TRPM1: variants seen among roughly 807,000 people sequenced by gnomAD.
TRPM1 encodes TRPM1-203 APA Isoform, Intron 10.
In TRPM1, 113 loss-of-function variants were observed where a neutral mutation model predicts 149.4. That is an observed-to-expected ratio of 0.76 (90% confidence interval 0.65 to 0.88). TRPM1 has a LOEUF of 0.88. Among genes scored for constraint, TRPM1 ranks in the 40% least tolerant of loss-of-function variants. The probability of loss-of-function intolerance (pLI) is 0.00; values close to 1 mark genes in which losing one functional copy is unlikely to be tolerated. For missense variants in TRPM1, 1,976 were observed against 2,038.7 expected, an observed-to-expected ratio of 0.97 and a Z score of 0.59; for synonymous variants, 741 against 759.5, an observed-to-expected ratio of 0.98 and a Z score of 0.40.
At chr15:31,058,373 A>T (rs1195923871) in intron 11 of TRPM1, among the ~76,000 whole-genome samples, 1 of 152,222 alleles carries the variant, frequency 6.6e-6, no homozygotes, top group Non-Finnish European at 1.5e-5. Context: ...GATGCCTGTC[A>T]TATTTTCCTT....
rs764247715 is a variant in TRPM1, at chr15:31,067,251, A to G, written c.494-64T>C. On this transcript the variant is annotated intron_variant, in intron 5 of 27. Coordinates refer to ENST00000256552, the MANE Select transcript of TRPM1 (RefSeq NM_001252024.2). Reference sequence around the variant, plus strand: ...TTCCCAGCACACCATCATTCATGAAATTTAGGGACACTTGCCCTGAGTCCC... The same window carrying G: ...TTCCCAGCACACCATCATTCATGAAGTTTAGGGACACTTGCCCTGAGTCCC... The G allele has an allele frequency of 3.2e-4, 518 of 1,613,148 alleles. 3 individuals are homozygous for G. The highest frequency in any genetic ancestry group is 1.6e-4 in the Middle Eastern group (1 of 6,080).
intron 7 of TRPM1, among the ~76,000 whole-genome samples, chr15:31,063,746 C>A (rs536853086): frequency 6.6e-6 from 1 of 152,306 alleles, no homozygotes; most frequent in African/African-American, 2.4e-5. Flanking sequence ...AGCCACTGTG[C>A]CCAGCCCAGT....
At chr15:31,033,001 A>C in intron 21 of TRPM1, 61 bp from the exon 22 acceptor site, 1 of 1,607,346 alleles carries the variant, frequency 6.2e-7, no homozygotes, top group Non-Finnish European at 8.5e-7. Flanking sequence ...TTGTCTTAGA[A>C]TCTTGGAACA....
rs202130526 is a variant in TRPM1, at chr15:31,062,579, G to A, written c.1089C>T (p.Leu363=). The change falls in exon 9 of 28, where the codon CTC becomes CTT. Residue 363 remains leucine (L), a splice_region_variant and synonymous_variant. Coordinates refer to ENST00000256552, the MANE Select transcript of TRPM1 (RefSeq NM_001252024.2). Reference sequence around the variant, plus strand: ...TTGGAAATAAATTCAAGACACTTACGAGTTCTTTCTTCTTCATGCACTCCA... The same window carrying A: ...TTGGAAATAAATTCAAGACACTTACAAGTTCTTTCTTCTTCATGCACTCCA... ...IIMECMKKKE[L]VTVFRMGSEG... The A allele has an allele frequency of 2.5e-4, 399 of 1,613,954 alleles. 2 individuals are homozygous for A. The highest frequency in any genetic ancestry group is 1.1e-4 in the African/African-American group (8 of 74,930).
At chr15:31,056,637 G>C (rs1248103085) in intron 11 of TRPM1, among the ~76,000 whole-genome samples, 1 of 152,158 alleles carries the variant, frequency 6.6e-6, no homozygotes. Context: ...CTGAGAGATG[G>C]GACCTTTAAA....
intron 4 of TRPM1, chr15:31,069,303 G>A: frequency 1.8e-6 from 1 of 555,840 alleles, no homozygotes; most frequent in South Asian, 7.6e-5. Flanking sequence ...GGCTAATAAT[G>A]CTCAGATGCC....
At chr15:31,021,968 C>T (rs1307136319) in intron 27 of TRPM1, among the ~76,000 whole-genome samples, 1 of 152,068 alleles carries the variant, frequency 6.6e-6, no homozygotes, top group South Asian at 2.1e-4. Context: ...GAAGAGGCAA[C>T]GTACCCCACA....
At chr15:31,119,165 C>G (rs1304549657) in intron 1 of TRPM1, among the ~76,000 whole-genome samples, 1 of 152,006 alleles carries the variant, frequency 6.6e-6, no homozygotes, top group African/African-American at 2.4e-5. Flanking sequence ...TGCTTGAACC[C>G]AGGAGGCAGA....
chr15:31,081,403 C>G lies in TRPM1; in HGVS notation c.-48G>C. The G allele has an allele frequency of 6.5e-7, 1 of 1,535,094 alleles. No individual in the cohort carries two copies. Among genetic ancestry groups the G allele is most frequent in the Non-Finnish European group, 8.7e-7 (1 of 1,146,614 alleles). On this transcript the variant is annotated 5_prime_UTR_variant, in exon 2 of 28. Transcript: ENST00000256552. Reference sequence around the variant, plus strand: ...AGGAAATAGCCTCAGTCCAGCACTGCAAGTTACTGCTGAGTCCTCAGAAAT... The same window carrying G: ...AGGAAATAGCCTCAGTCCAGCACTGGAAGTTACTGCTGAGTCCTCAGAAAT...
rs267607141 is a variant in TRPM1, at chr15:31,070,213, G to A, written c.97C>T (p.Gln33Ter). The A allele has an allele frequency of 6.2e-7, 1 of 1,613,610 alleles. No individual in the cohort carries two copies. Among genetic ancestry groups the A allele is most frequent in the Non-Finnish European group, 8.5e-7 (1 of 1,179,906 alleles). Residue 33 changes from glutamine (Q) to a stop codon, truncating the protein, a stop_gained, in exon 4 of 28, where the codon CAG (glutamine) becomes TAG (stop). Transcript: ENST00000256552. LOFTEE classifies it high-confidence loss of function. ...GGGGGGATATGCTGGTTGGTGAACT[G>A]GCCACAGCAACACCTGAAAACAAAG... ...MKDSNRCCCG[Q>*]FTNQHIPPLP...
chr15:31,141,043 G>C (rs1466253230), intron 1 of TRPM1, among the ~76,000 whole-genome samples: 1 of 151,642 alleles, frequency 6.6e-6, no homozygotes, highest in African/African-American at 2.4e-5. Flanking sequence ...TGTTGGCCGG[G>C]CTAGCCTGGA....
chr15:31,019,319 C>A (rs1240706146), intron 27 of TRPM1, among the ~76,000 whole-genome samples: 1 of 152,204 alleles, frequency 6.6e-6, no homozygotes, highest in African/African-American at 2.4e-5. Flanking sequence ...CAGGATAGAA[C>A]CTTGTTGTGC....
At position 31,060,621 on chromosome 15, in the gene TRPM1, G is replaced by C. The variant is rs192880935; in HGVS notation, c.1186C>G (p.Gln396Glu). Residue 396 changes from glutamine (Q) to glutamate (E), a missense_variant, in exon 11 of 28, where the codon CAG becomes GAG. By Grantham distance (29) the Gln-to-Glu change is conservative. This residue lies in a region of TRPM1 where 1,332 missense variants were observed against 1,347.1 expected (regional missense o/e 0.99). Transcript: ENST00000256552. ...LKGTNVSAPD[Q>E]LSLALAWNRV... ...TTCCAAGCCAGTGCCAAGCTCAGCT[G>C]ATCTGGAGCAGATACGTTTGTTCCT... 1 of 1,614,106 alleles carries C rather than the reference G, an allele frequency of 6.2e-7. No homozygotes were observed. Among genetic ancestry groups the C allele is most frequent in the African/African-American group, 1.3e-5 (1 of 74,942 alleles).
intron 2 of TRPM1, among the ~76,000 whole-genome samples, chr15:31,080,188 C>T (rs1479416067): frequency 1.3e-5 from 2 of 152,118 alleles, no homozygotes; most frequent in African/African-American, 2.4e-5. Flanking sequence ...CACCATTTGG[C>T]AACCATCAAG....
At chr15:31,060,468 A>G in intron 11 of TRPM1, 76 bp downstream of exon 11, 5 of 1,239,428 alleles carry the variant, frequency 4.0e-6, no homozygotes, top group Middle Eastern at 1.9e-4. Flanking sequence ...ATTCCATGTC[A>G]CAAGGGAGAA....
intron 1 of TRPM1, among the ~76,000 whole-genome samples, chr15:31,120,117 T>C (rs2035856374): frequency 6.6e-6 from 1 of 152,182 alleles, no homozygotes; most frequent in Admixed American, 6.5e-5. Flanking sequence ...TTTACATTTT[T>C]TTCTTTTTTC....
intron 5 of TRPM1, among the ~76,000 whole-genome samples, chr15:31,067,443 T>C (rs2034409723): frequency 6.6e-6 from 1 of 152,226 alleles, no homozygotes; most frequent in Non-Finnish European, 1.5e-5. Flanking sequence ...TACAGATGTC[T>C]AAGGCCTAAA....
chr15:31,021,498 C>T lies in TRPM1; in HGVS notation c.3629+4641G>A, dbSNP rs141966071. On this transcript the variant is annotated intron_variant, in intron 27 of 27. Transcript: ENST00000256552. ...ACCGCTTGAGGCCAGGAGTTCCAGA[C>T]CAGCCTGGGCAACATAGTGAGATCC... Among the ~76,000 whole-genome samples the T allele has an allele frequency of 4.6e-3, 707 of 152,236 alleles. 5 individuals carry two copies. The highest frequency in any genetic ancestry group is 0.017 in the African/African-American group (686 of 41,526).
intron 1 of TRPM1, among the ~76,000 whole-genome samples, chr15:31,130,314 A>G (rs559924847): frequency 6.6e-6 from 1 of 152,342 alleles, no homozygotes; most frequent in East Asian, 1.9e-4. Flanking sequence ...ACAGTGAAAG[A>G]GACCTGACCT....
Sources: gnomAD v4.1 joint callset for allele counts (sites outside exome capture counted in the v4.1 genomes callset) on GRCh38, gnomAD v4.1.1 for gene constraint, gnomAD v4.1.1 regional missense constraint, MANE v1.5 for transcripts, NCBI Gene and HGNC (gene_info 2026-07-23, HGNC 2026-07-21) for gene names.